MYRIP: variants seen among roughly 807,000 people sequenced by gnomAD.
MYRIP encodes the protein rab effector MyRIP.
Under a neutral mutation model 98.0 loss-of-function variants are expected in MYRIP, and 49 were observed. The ratio of observed to expected loss-of-function variants is 0.50; its 90% confidence interval spans 0.40 to 0.63. The LOEUF is 0.63. Among genes scored for constraint, MYRIP ranks in the 30% least tolerant of loss-of-function variants. MYRIP has a pLI of 0.00. For synonymous variants in MYRIP, 404 were observed against 409.5 expected (o/e 0.99, Z 0.16); for missense variants, 1,004 against 1,058.2 (o/e 0.95, Z 0.71).
intron 1 of MYRIP, among the ~76,000 whole-genome samples, chr3:39,889,409 C>G (rs1218674088): frequency 1.3e-5 from 2 of 152,170 alleles, no homozygotes; most frequent in East Asian, 1.9e-4. Context: ...AATCATCATT[C>G]TCAGTAAACT....
At chr3:39,974,974 A>G (rs1945708227) in intron 2 of MYRIP, among the ~76,000 whole-genome samples, 1 of 152,250 alleles carries the variant, frequency 6.6e-6, no homozygotes, top group Admixed American at 6.5e-5. Context: ...ATTCCCTTAG[A>G]AAACTGGCAC....
chr3:39,993,572 G>A (rs189938007), intron 2 of MYRIP, among the ~76,000 whole-genome samples: 2 of 152,152 alleles, frequency 1.3e-5, no homozygotes, highest in Admixed American at 1.3e-4. Flanking sequence ...CCTGAACCCT[G>A]CCTGGCAATC....
intron 8 of MYRIP, among the ~76,000 whole-genome samples, chr3:40,178,727 CAG>C (rs1950822400): frequency 6.6e-6 from 1 of 152,156 alleles, no homozygotes; most frequent in Admixed American, 6.5e-5. Context: ...AGGCTTAGAA[CAG>C]TTTAAGTTTT....
chr3:40,079,558 A>G (rs2125868124), intron 3 of MYRIP, among the ~76,000 whole-genome samples: 1 of 152,332 alleles, frequency 6.6e-6, no homozygotes, highest in South Asian at 2.1e-4. Flanking sequence ...TGCTAAAACA[A>G]TCAGGACTTT....
At chr3:39,845,005 A>C (rs937481607) in intron 1 of MYRIP, among the ~76,000 whole-genome samples, 1 of 152,184 alleles carries the variant, frequency 6.6e-6, no homozygotes, top group African/African-American at 2.4e-5. Flanking sequence ...AATGAATGAG[A>C]GCAGGATACT....
chr3:40,123,603 T>C (rs1480752999), intron 3 of MYRIP, among the ~76,000 whole-genome samples: 2 of 152,178 alleles, frequency 1.3e-5, no homozygotes, highest in Non-Finnish European at 2.9e-5. Flanking sequence ...CACACATAAG[T>C]TACAAGAGGC....
intron 2 of MYRIP, among the ~76,000 whole-genome samples, chr3:40,033,507 T>C (rs1332484348): frequency 6.6e-6 from 1 of 152,194 alleles, no homozygotes; most frequent in Non-Finnish European, 1.5e-5. Context: ...GGAATCCAAC[T>C]AACAACGGAC....
intron 5 of MYRIP, among the ~76,000 whole-genome samples, chr3:40,165,586 G>A (rs896063178): frequency 2.6e-5 from 4 of 152,086 alleles, no homozygotes; most frequent in African/African-American, 9.7e-5. Context: ...TGCACATGAT[G>A]TGACTTGGAC....
intron 1 of MYRIP, among the ~76,000 whole-genome samples, chr3:39,831,900 T>C (rs1448920407): frequency 1.3e-5 from 2 of 152,196 alleles, no homozygotes; most frequent in African/African-American, 4.8e-5. Context: ...GTTTCTGGGT[T>C]TCTCATGTAT....
intron 16 of MYRIP, 55 bp from the exon 17 acceptor site, chr3:40,258,079 T>G: frequency 6.3e-7 from 1 of 1,595,218 alleles, no homozygotes; most frequent in Non-Finnish European, 8.6e-7. Context: ...TTTTCATTGC[T>G]TCTTCTCACT....
In MYRIP at chr3:39,939,210, A is replaced by C. The variant is rs556088158; in HGVS notation, c.110+38284A>C. ...TCCTAATGAGCCACAAACTCAGCTC[A>C]CTTTTGGTTTATCTCCTTGTCTTCT... On this transcript the variant is annotated intron_variant, in intron 2 of 16. Transcript: ENST00000302541. Among the ~76,000 whole-genome samples the C allele has an allele frequency of 2.0e-5, 3 of 152,270 alleles. No homozygotes were observed. The South Asian group carries it at 6.2e-4, about 32-fold the overall frequency.
chr3:39,875,898 T>A (rs1158906195), intron 1 of MYRIP, among the ~76,000 whole-genome samples: 2 of 152,050 alleles, frequency 1.3e-5, no homozygotes, highest in Non-Finnish European at 2.9e-5. Flanking sequence ...GGTATCCTTG[T>A]TGACTTTCTG....
At chr3:39,992,309 C>T (rs77191144) in intron 2 of MYRIP, among the ~76,000 whole-genome samples, 58 of 152,258 alleles carry the variant, frequency 3.8e-4, no homozygotes, top group African/African-American at 1.3e-3. Context: ...ACTCTGCTTC[C>T]ACCACCTTGA....
chr3:40,219,512 G>A (rs1390248796), intron 11 of MYRIP, among the ~76,000 whole-genome samples: 1 of 151,886 alleles, frequency 6.6e-6, no homozygotes, highest in African/African-American at 2.4e-5. Context: ...AGTCCCCAGA[G>A]TGTGATGTTC....
At chr3:40,162,980 T>A in intron 5 of MYRIP, 170 bp downstream of exon 5, 1 of 575,538 alleles carries the variant, frequency 1.7e-6, no homozygotes, top group Non-Finnish European at 3.1e-6. Context: ...TATGAATCCA[T>A]CATCAAAATA....
intron 1 of MYRIP, among the ~76,000 whole-genome samples, chr3:39,882,072 T>C (rs1943169619): frequency 6.6e-6 from 1 of 152,196 alleles, no homozygotes; most frequent in Non-Finnish European, 1.5e-5. Context: ...TAATATTTAA[T>C]CTGATTTATG....
chr3:40,224,954 G>A (rs1399146367), intron 11 of MYRIP, among the ~76,000 whole-genome samples: 1 of 152,198 alleles, frequency 6.6e-6, no homozygotes, highest in Non-Finnish European at 1.5e-5. Flanking sequence ...TTGCTGGAGT[G>A]CCTTATGTTT....
intron 3 of MYRIP, among the ~76,000 whole-genome samples, chr3:40,107,263 G>T (rs1336118561): frequency 6.6e-6 from 1 of 152,202 alleles, no homozygotes; most frequent in Non-Finnish European, 1.5e-5. Flanking sequence ...AGTAGGGCCA[G>T]TTTCATGAGA....
intron 3 of MYRIP, among the ~76,000 whole-genome samples, chr3:40,100,771 T>A (rs1948929155): frequency 6.6e-6 from 1 of 152,170 alleles, no homozygotes; most frequent in Non-Finnish European, 1.5e-5. Context: ...GACCTGAATG[T>A]TCTAGGAAAT....
Sources: gnomAD v4.1 joint callset for allele counts (sites outside exome capture counted in the v4.1 genomes callset) on GRCh38, gnomAD v4.1.1 for gene constraint, MANE v1.5 for transcripts, NCBI Gene and HGNC (gene_info 2026-07-23, HGNC 2026-07-21) for gene names.